The following CCNB3 variants were observed in gnomAD, a reference collection of about 807,000 sequenced individuals.
CCNB3 encodes the protein G2/mitotic-specific cyclin-B3.
Under a neutral mutation model 68.0 loss-of-function variants are expected in CCNB3, and 12 were observed. That is an observed-to-expected ratio of 0.18 (90% CI 0.11 to 0.29). The LOEUF (loss-of-function observed/expected upper bound fraction) is 0.29. CCNB3 is among the 10% of genes least tolerant of loss of function. CCNB3 has a pLI of 1.00. For missense variants in CCNB3, 904 were observed against 993.1 expected, an observed-to-expected ratio of 0.91 and a Z score of 1.21; for synonymous variants, 354 against 388.9, an observed-to-expected ratio of 0.91 and a Z score of 1.06.
At chrX:50,338,208 G>T (rs1557219105) in intron 8 of CCNB3, among the ~76,000 whole-genome samples, 2 of 112,401 alleles carry the variant, frequency 1.8e-5, no homozygotes, top group Admixed American at 9.4e-5. Flanking sequence ...CTAAGGGGCT[G>T]CCTTGACCGT....
upstream of CCNB3, among the ~76,000 whole-genome samples, chrX:50,203,705 G>A (rs1935302212): frequency 8.9e-6 from 1 of 111,791 alleles, no homozygotes; most frequent in South Asian, 3.8e-4. Flanking sequence ...AGTGGAGGGG[G>A]AAAATAAAGG....
Position 50,310,127 on chromosome X carries a change from C to T in CCNB3, c.1958C>T (p.Ser653Phe), listed in dbSNP as rs267606474. 4 of 1,211,258 alleles carry T rather than the reference C, an allele frequency of 3.3e-6. No homozygotes were observed. The Middle Eastern group carries it at 6.9e-4, about 209-fold the overall frequency. The change falls in exon 6 of 13, where the codon TCC becomes TTC. Residue 653 changes from serine to phenylalanine, a missense_variant. Coordinates refer to ENST00000376042, the MANE Select transcript of CCNB3 (RefSeq NM_033031.3). ...AAGCATACCACCTTGCAGGAAGTGT[C>T]CCTCTCAAAAGAGTCATTGGCCATC... ...KEKHTTLQEV[S>F]LSKESLAIQE... is the part of the protein sequence containing the mutation.
intron 8 of CCNB3, among the ~76,000 whole-genome samples, chrX:50,321,157 T>A (rs782037631): frequency 8.9e-6 from 1 of 112,042 alleles, no homozygotes; most frequent in Admixed American, 9.5e-5. Flanking sequence ...ACAGCTATCC[T>A]TCTGAAATGT....
intron 1 of CCNB3, among the ~76,000 whole-genome samples, chrX:50,227,361 TCA>T (rs1403323228): frequency 9.5e-4 from 71 of 74,884 alleles, no homozygotes; most frequent in African/African-American, 3.4e-3. Flanking sequence ...ATAAATATAC[TCA>T]CAGAATATAT....
intron 1 of CCNB3, among the ~76,000 whole-genome samples, chrX:50,283,908 A>G (rs1936189073): frequency 9.2e-6 from 1 of 108,506 alleles, no homozygotes; most frequent in South Asian, 4.0e-4. Context: ...GTTTGGCATG[A>G]CAGACACATA....
intron 4 of CCNB3, among the ~76,000 whole-genome samples, chrX:50,289,994 A>G (rs1936321292): frequency 8.9e-6 from 1 of 111,841 alleles, no homozygotes; most frequent in Admixed American, 9.5e-5. Context: ...CAGATTTACT[A>G]TCAATTGGTA....
At chrX:50,320,714 G>C (rs781844398) in intron 8 of CCNB3, among the ~76,000 whole-genome samples, 101 of 110,420 alleles carry the variant, frequency 9.1e-4, no homozygotes, top group African/African-American at 3.2e-3. Flanking sequence ...CTGTTACTGA[G>C]AGAGGAGTAC....
intron 9 of CCNB3, among the ~76,000 whole-genome samples, chrX:50,342,899 G>A (rs1222895328): frequency 1.8e-5 from 2 of 110,495 alleles, no homozygotes; most frequent in African/African-American, 6.6e-5. Flanking sequence ...TTGTAGGGGT[G>A]GGGTCTCATG....
intron 1 of CCNB3, among the ~76,000 whole-genome samples, chrX:50,279,339 A>G (rs1936032233): frequency 1.3e-5 from 1 of 75,976 alleles, no homozygotes; most frequent in Non-Finnish European, 2.3e-5. Context: ...ATATATGAAT[A>G]TATATATGAA....
intron 8 of CCNB3, among the ~76,000 whole-genome samples, chrX:50,320,492 G>A (rs2147074917): frequency 9.1e-6 from 1 of 109,419 alleles, no homozygotes; most frequent in Non-Finnish European, 1.9e-5. Flanking sequence ...TCTTGCTAGA[G>A]GTTTATTAAT....
chrX:50,348,017 C>G (rs1923490581), intron 11 of CCNB3, among the ~76,000 whole-genome samples: 1 of 111,359 alleles, frequency 9.0e-6, no homozygotes, highest in Non-Finnish European at 1.9e-5. Context: ...CCTGAAAGCC[C>G]AATATTACAT....
At chrX:50,285,704 A>G (rs989126920) in intron 3 of CCNB3, among the ~76,000 whole-genome samples, 1 of 111,507 alleles carries the variant, frequency 9.0e-6, no homozygotes, top group African/African-American at 3.3e-5. Flanking sequence ...TGATAGTTTG[A>G]TGTTCTAACC....
At chrX:50,346,560 A>C in intron 9 of CCNB3, 92 bp from the exon 10 acceptor site, 1 of 899,931 alleles carries the variant, frequency 1.1e-6, no homozygotes, top group African/African-American at 2.0e-5. Flanking sequence ...ATGCCAGGAA[A>C]TCCTTCACCC....
chrX:50,314,037 G>C (rs1921600522), intron 8 of CCNB3, 89 bp downstream of exon 8: 6 of 619,279 alleles, frequency 9.7e-6, no homozygotes, highest in Admixed American at 2.8e-5. Flanking sequence ...AATGTACTGG[G>C]TCTATAGAGT....
chrX:50,348,636 A>G (rs973645485), intron 11 of CCNB3, among the ~76,000 whole-genome samples: 2 of 112,782 alleles, frequency 1.8e-5, no homozygotes, highest in African/African-American at 6.4e-5. Context: ...GCATTTATTG[A>G]GTGTTTAGAC....
intron 4 of CCNB3, among the ~76,000 whole-genome samples, chrX:50,289,905 G>A (rs2061202627): frequency 9.0e-6 from 1 of 111,704 alleles, no homozygotes; most frequent in African/African-American, 3.2e-5. Flanking sequence ...ATTCTGTATG[G>A]CCACCTTTCT....
At chrX:50,282,809 A>C (rs2147018164) in intron 1 of CCNB3, among the ~76,000 whole-genome samples, 1 of 111,297 alleles carries the variant, frequency 9.0e-6, no homozygotes, top group South Asian at 3.9e-4. Flanking sequence ...ATCAGCTGAG[A>C]GTTTTCTAGC....
At chrX:50,279,306 T>TTATATTTAA (rs1936029712) in intron 1 of CCNB3, among the ~76,000 whole-genome samples, 1 of 71,080 alleles carries the variant, frequency 1.4e-5, no homozygotes, top group African/African-American at 6.6e-5. Flanking sequence ...ATATGAATAT[T>TTATATTTAA]TATATTTAAT....
chrX:50,304,910 A>G (rs1308405591), intron 5 of CCNB3, among the ~76,000 whole-genome samples: 1 of 112,406 alleles, frequency 8.9e-6, no homozygotes, highest in Admixed American at 9.4e-5. Flanking sequence ...AAAAATGCTC[A>G]TTATCACTGG....
Sources: allele counts gnomAD v4.1 joint callset (sites outside exome capture counted in the v4.1 genomes callset), GRCh38; gene constraint gnomAD v4.1.1; transcripts MANE v1.5; gene names NCBI Gene and HGNC (gene_info 2026-07-23, HGNC 2026-07-21).